RBIS: variants seen among roughly 807,000 people sequenced by gnomAD.
The protein encoded by RBIS is ribosomal biogenesis factor.
A neutral mutation model predicts 9.8 loss-of-function variants in RBIS; 9 were observed. The ratio of observed to expected loss-of-function variants is 0.92; its 90% CI spans 0.56 to 1.61. The LOEUF (loss-of-function observed/expected upper bound fraction) is 1.61. Among genes scored for constraint, RBIS ranks in the 40% most tolerant of loss-of-function variants. The pLI is 0.00. For synonymous variants in RBIS, 35 were observed against 37.9 expected, an observed-to-expected ratio of 0.92 and a Z score of 0.28; for missense variants, 103 against 116.0, an observed-to-expected ratio of 0.89 and a Z score of 0.51.
intron 2 of RBIS, chr8:85,217,104 T>A: frequency 1.8e-6 from 1 of 568,484 alleles, no homozygotes. Context: ...TCCCATACTA[T>A]GGTTTTTAAA....
intron 1 of RBIS, chr8:85,219,163 AT>A (rs1468739963): frequency 6.6e-6 from 1 of 152,282 alleles, no homozygotes; most frequent in Admixed American, 6.5e-5. Context: ...TTACGTCCCT[AT>A]AAACACTGCT....
intron 1 of RBIS, chr8:85,217,810 C>T (rs1813211006): frequency 3.0e-6 from 1 of 329,712 alleles, no homozygotes; most frequent in Non-Finnish European, 5.6e-6. Flanking sequence ...CAGTACCTCA[C>T]CACCCATCCT....
rs754259513 is a variant in RBIS at position 85,217,401 on chromosome 8, G to A, written c.99C>T (p.Thr33=). ...FKAKNKAKPV[T]TNLKKINIMN... is the part of the protein sequence containing the mutation. ...TAATACTCACCTTCTTAAGATTAGT[G>A]GTAACTGGTTTTGCTTTGTTTTTAG... The change falls in exon 2 of 4, where the codon ACC becomes ACT. Residue 33 remains threonine (T), a synonymous_variant. Transcript: ENST00000619594. 18 of 1,596,988 alleles carry A rather than the reference G, an allele frequency of 1.1e-5. No homozygotes were observed. Among genetic ancestry groups the A allele is most frequent in the South Asian group, 8.8e-5 (8 of 90,678 alleles).
At chr8:85,215,074 A>C in intron 2 of RBIS, 37 bp from the exon 3 acceptor site, 12 of 823,776 alleles carry the variant, frequency 1.5e-5, no homozygotes, top group Non-Finnish European at 2.3e-5. Context: ...CTATGATCTC[A>C]TAACCATTAA....
Position 85,220,370 on chromosome 8 carries a change from T to A in RBIS, c.-68A>T, listed in dbSNP as rs368187310. The A allele has an allele frequency of 4.6e-5, 7 of 152,208 alleles. No individual in the cohort carries two copies. Among genetic ancestry groups the A allele is most frequent in the South Asian group, 2.1e-4 (1 of 4,838 alleles). 9.4% of individuals were successfully genotyped at this position (152,208 alleles called of 1,614,324 possible). ...GTAACACCATCTGGCACGTACGGCG[T>A]CTAGGAAGTTCCGGGGAGGATGAAC... On this transcript the variant is annotated 5_prime_UTR_variant, in exon 1 of 4. Transcript: ENST00000619594.
At chr8:85,215,870 G>T (rs1390230746) in intron 2 of RBIS, 1 of 152,192 alleles carries the variant, frequency 6.6e-6, no homozygotes, top group Non-Finnish European at 1.5e-5. Context: ...AAAACATCTG[G>T]GACTTGTGAT....
At chr8:85,218,397 T>C (rs2129832168) in intron 1 of RBIS, among the ~76,000 whole-genome samples, 1 of 152,154 alleles carries the variant, frequency 6.6e-6, no homozygotes, top group East Asian at 1.9e-4. Flanking sequence ...TTATGTGATA[T>C]TACACTTCAT....
chr8:85,218,246 T>G (rs1813224514), intron 1 of RBIS, among the ~76,000 whole-genome samples: 1 of 152,128 alleles, frequency 6.6e-6, no homozygotes, highest in African/African-American at 2.4e-5. Context: ...TACAACCCTT[T>G]GTAAGAAGTA....
chr8:85,217,480 C>A lies in RBIS; in HGVS notation c.20G>T (p.Arg7Ile), dbSNP rs569231156. ...AAATACATTCCTGGACTTCGGCCCT[C>A]TTAATTTGTTCTTGGCCATTGTCTA... Reference protein sequence around the residue: MAKNKLRGPKSRNVFHI... With the variant: MAKNKLIGPKSRNVFHI... Residue 7 changes from arginine to isoleucine, a missense_variant, in exon 2 of 4, where the codon AGA (arginine) becomes ATA (isoleucine). Transcript: ENST00000619594. The A allele has an allele frequency of 5.9e-5, 95 of 1,611,084 alleles. No individual in the cohort carries two copies. The highest frequency in any genetic ancestry group is 7.7e-5 in the Non-Finnish European group (91 of 1,178,898).
chr8:85,216,211 AACAAT>A (rs1218665290), intron 2 of RBIS: 4 of 152,294 alleles, frequency 2.6e-5, no homozygotes, highest in African/African-American at 9.6e-5. Flanking sequence ...CTTCTAACAT[AACAAT>A]ACGTCTCTGA....
rs1361817475 is a variant in RBIS at position 85,214,561 on chromosome 8, T to G, written c.302A>C (p.Ter101SerextTer15). Residue 101 changes from the stop codon to serine (S), a stop_lost, in exon 4 of 4, where the codon TAA (stop) becomes TCA (serine). Transcript: ENST00000619594. The part of the protein sequence containing the change: ...DEATRLMALL[*>S] ...AGAATTAGATGCATCACCAGTATAT[T>G]ACAACAGAGCCATTAATCTTGTAGC... 6.5e-7 allele frequency: 1 copy of G among 1,546,560 alleles called. No homozygotes were observed. Among genetic ancestry groups the G allele is most frequent in the South Asian group, 1.1e-5 (1 of 88,976 alleles).
Position 85,217,472 on chromosome 8 carries a change from T to A in RBIS, c.28A>T (p.Lys10Ter). The change falls in exon 2 of 4, where the codon AAG (lysine) becomes TAG (stop). Residue 10 changes from lysine (K) to a stop codon, truncating the protein, a stop_gained. Coordinates refer to ENST00000619594, the MANE Select transcript of RBIS (RefSeq NM_001099673.3). LOFTEE classifies it high-confidence loss of function. MAKNKLRGP[K>*]SRNVFHIASQ... ...GCTATGTGAAATACATTCCTGGACT[T>A]CGGCCCTCTTAATTTGTTCTTGGCC... is the stretch of plus-strand genomic sequence containing the variant. The A allele has an allele frequency of 6.2e-7, 1 of 1,612,062 alleles. No homozygotes were observed. Among genetic ancestry groups the A allele is most frequent in the East Asian group, 2.2e-5 (1 of 44,822 alleles).
At chr8:85,214,712 A>G in intron 3 of RBIS, 81 bp from the exon 4 acceptor site, 1 of 942,212 alleles carries the variant, frequency 1.1e-6, no homozygotes, top group East Asian at 2.4e-5. Context: ...ATTCAATTTA[A>G]TTTTTCTAGT....
intron 2 of RBIS, chr8:85,216,052 T>C (rs1368803232): frequency 7.9e-5 from 12 of 152,298 alleles, no homozygotes. Context: ...AAATCTAGTA[T>C]TGGAAGTGTT....
chr8:85,218,587 G>C (rs994744834), intron 1 of RBIS: 1 of 152,118 alleles, frequency 6.6e-6, no homozygotes, highest in Non-Finnish European at 1.5e-5. Flanking sequence ...AAGTGCAGGC[G>C]CGGTGGCTCA....
At chr8:85,218,266 C>G (rs990539560) in intron 1 of RBIS, among the ~76,000 whole-genome samples, 1 of 151,986 alleles carries the variant, frequency 6.6e-6, no homozygotes, top group Non-Finnish European at 1.5e-5. Context: ...ACTATTATCC[C>G]CATTTTAAAG....
intron 3 of RBIS, 69 bp downstream of exon 3, chr8:85,214,852 A>C: frequency 2.2e-6 from 2 of 903,264 alleles, no homozygotes; most frequent in Non-Finnish European, 3.5e-6. Context: ...CAGGCTTTGA[A>C]AACTTGGGAG....
intron 1 of RBIS, 48 bp from the exon 2 acceptor site, chr8:85,217,550 T>A: frequency 8.3e-7 from 1 of 1,198,748 alleles, no homozygotes; most frequent in Non-Finnish European, 1.2e-6. Flanking sequence ...TTATGAACCG[T>A]AAGTCAATTT....
rs751410417 is a variant in RBIS at position 85,214,110 on chromosome 8, G to A, written c.*450C>T. 1.7e-6 allele frequency: 1 copy of A among 572,784 alleles called. No homozygotes were observed. The highest frequency in any genetic ancestry group is 1.8e-5 in the African/African-American group (1 of 54,076). 35.5% of individuals were successfully genotyped at this position (572,784 alleles called of 1,614,324 possible). Reference sequence around the variant, plus strand: ...CACTCCCAAAAGTAACTATATTCTGGATTTCAACTTTTCTTCTAATTGTGA... The same window carrying A: ...CACTCCCAAAAGTAACTATATTCTGAATTTCAACTTTTCTTCTAATTGTGA... On this transcript the variant is annotated 3_prime_UTR_variant, in exon 4 of 4. Transcript: ENST00000619594.
Sources: allele counts gnomAD v4.1 joint callset (sites outside exome capture counted in the v4.1 genomes callset), GRCh38; gene constraint gnomAD v4.1.1; transcripts MANE v1.5; gene names NCBI Gene and HGNC (gene_info 2026-07-23, HGNC 2026-07-21).